RPH3A: variants seen among roughly 807,000 people sequenced by gnomAD.
RPH3A encodes rabphilin-3A.
A neutral mutation model predicts 102.2 loss-of-function variants in RPH3A; 48 were observed. The observed-to-expected ratio is 0.47, with a 90% CI of 0.37 to 0.60. RPH3A has a LOEUF of 0.60. Among genes scored for constraint, RPH3A ranks in the 20% least tolerant of loss-of-function variants. RPH3A has a pLI of 0.00. For missense variants in RPH3A, 781 were observed against 910.1 expected, an observed-to-expected ratio of 0.86 and a Z score of 1.83; for synonymous variants, 310 against 324.3, an observed-to-expected ratio of 0.96 and a Z score of 0.47.
rs772278845 is a variant in RPH3A, at chr12:112,898,658, G to A, written c.*1878G>A. The A allele has an allele frequency of 1.3e-5, 2 of 152,206 alleles. No homozygotes were observed. The highest frequency in any genetic ancestry group is 2.9e-5 in the Non-Finnish European group (2 of 68,070). The allele number at this position is 152,206 out of a possible 1,614,324, so 9.4% of individuals were successfully genotyped here. On this transcript the variant is annotated 3_prime_UTR_variant, in exon 22 of 22. Transcript: ENST00000389385. ...CTCCCTCACCACAGTTTCCCCTTAG[G>A]AGACAGCATGCTGGCTGTGTCGCCC...
At chr12:112,879,248 C>A in intron 14 of RPH3A, 50 bp downstream of exon 14, 2 of 1,491,938 alleles carry the variant, frequency 1.3e-6, no homozygotes, top group Non-Finnish European at 1.9e-6. Context: ...TCTGGCATGG[C>A]TAGGAGACTC....
chr12:112,586,033 A>G (rs2039436678), intron 1 of RPH3A, among the ~76,000 whole-genome samples: 3 of 152,076 alleles, frequency 2.0e-5, no homozygotes, highest in African/African-American at 4.8e-5. Context: ...GATCCATATG[A>G]TTACTTTTCA....
At chr12:112,836,661 C>T (rs2042056592) in intron 4 of RPH3A, among the ~76,000 whole-genome samples, 159 bp downstream of exon 4, 1 of 151,830 alleles carries the variant, frequency 6.6e-6, no homozygotes, top group Non-Finnish European at 1.5e-5. Context: ...AACACCCACA[C>T]CCATCTTAGG....
intron 5 of RPH3A, among the ~76,000 whole-genome samples, chr12:112,858,994 G>T (rs893875960): frequency 6.6e-6 from 1 of 152,176 alleles, no homozygotes; most frequent in South Asian, 2.1e-4. Flanking sequence ...AAGTTAATCA[G>T]GCATGTAAAG....
At chr12:112,757,665 T>C (rs1056198030) in intron 1 of RPH3A, among the ~76,000 whole-genome samples, 2 of 152,146 alleles carry the variant, frequency 1.3e-5, no homozygotes, top group Non-Finnish European at 2.9e-5. Context: ...CAATTAAACA[T>C]AATAAAGGCA....
intron 2 of RPH3A, among the ~76,000 whole-genome samples, chr12:112,804,363 G>C (rs73427019): frequency 0.05 from 7,631 of 152,256 alleles, 633 homozygotes; most frequent in African/African-American, 0.17. Context: ...GCACTTCCAG[G>C]TGGATGCAAG....
chr12:112,616,066 A>G (rs544812066), intron 1 of RPH3A, among the ~76,000 whole-genome samples: 2 of 152,234 alleles, frequency 1.3e-5, no homozygotes, highest in African/African-American at 4.8e-5. Flanking sequence ...TCTCCAGTCA[A>G]AACATATCTG....
At chr12:112,585,433 C>A (rs1288902715) in intron 1 of RPH3A, among the ~76,000 whole-genome samples, 2 of 152,174 alleles carry the variant, frequency 1.3e-5, no homozygotes, top group Non-Finnish European at 2.9e-5. Flanking sequence ...CACATTGAAT[C>A]CCGTTTCTTG....
intron 1 of RPH3A, among the ~76,000 whole-genome samples, chr12:112,694,605 C>G (rs1034269903): frequency 3.3e-5 from 5 of 150,532 alleles, no homozygotes; most frequent in East Asian, 2.0e-4. Flanking sequence ...GAGAGAGAGA[C>G]AGACAGAGAG....
chr12:112,708,047 T>C (rs990376987), intron 1 of RPH3A, among the ~76,000 whole-genome samples: 1 of 152,232 alleles, frequency 6.6e-6, no homozygotes, highest in Non-Finnish European at 1.5e-5. Context: ...CGCATTCTCA[T>C]GCTGACTTAG....
intron 1 of RPH3A, among the ~76,000 whole-genome samples, chr12:112,764,938 C>T (rs190606124): frequency 1.3e-5 from 2 of 152,224 alleles, no homozygotes; most frequent in Admixed American, 1.3e-4. Context: ...GTCTATTTTC[C>T]TGGTTGGTGT....
chr12:112,680,444 G>A (rs2040218573), intron 1 of RPH3A, among the ~76,000 whole-genome samples: 1 of 152,144 alleles, frequency 6.6e-6, no homozygotes, highest in Non-Finnish European at 1.5e-5. Context: ...CAACCACCCT[G>A]GGAATGAGGT....
At chr12:112,841,821 C>T (rs1243638993) in intron 4 of RPH3A, 7 of 416,474 alleles carry the variant, frequency 1.7e-5, no homozygotes, top group Non-Finnish European at 3.4e-5. Context: ...GTCCAGGTTT[C>T]TGAAAGTTCA....
intron 1 of RPH3A, among the ~76,000 whole-genome samples, chr12:112,642,275 GT>G (rs1312425155): frequency 6.6e-6 from 1 of 152,172 alleles, no homozygotes; most frequent in Non-Finnish European, 1.5e-5. Context: ...GAGGTAGGAA[GT>G]TTTATCCCCA....
At chr12:112,693,640 T>C (rs2040323793) in intron 1 of RPH3A, among the ~76,000 whole-genome samples, 1 of 152,202 alleles carries the variant, frequency 6.6e-6, no homozygotes, top group Admixed American at 6.5e-5. Context: ...CTGCTTTGAA[T>C]GCTCTCCCTC....
chr12:112,858,975 G>A (rs183692835), intron 5 of RPH3A, among the ~76,000 whole-genome samples: 29 of 152,284 alleles, frequency 1.9e-4, no homozygotes, highest in African/African-American at 6.0e-4. Flanking sequence ...GGTGTGAGTC[G>A]TCATCATAAA....
chr12:112,885,731 C>G (rs2042992542), intron 16 of RPH3A, among the ~76,000 whole-genome samples: 1 of 151,982 alleles, frequency 6.6e-6, no homozygotes, highest in Non-Finnish European at 1.5e-5. Flanking sequence ...TTTTTAATCA[C>G]CTCAAGCATT....
chr12:112,868,653 A>T, intron 8 of RPH3A, 58 bp downstream of exon 8: 1 of 1,552,932 alleles, frequency 6.4e-7, no homozygotes, highest in Non-Finnish European at 8.7e-7. Flanking sequence ...CAACTGGTCT[A>T]CCTGAGGGAT....
At chr12:112,680,006 A>T (rs1566256178) in intron 1 of RPH3A, among the ~76,000 whole-genome samples, 1 of 152,236 alleles carries the variant, frequency 6.6e-6, no homozygotes, top group Non-Finnish European at 1.5e-5. Context: ...GACAATGGGT[A>T]ACCAGGCTTG....
Sources: gnomAD v4.1 joint callset for allele counts (sites outside exome capture counted in the v4.1 genomes callset) on GRCh38, gnomAD v4.1.1 for gene constraint, MANE v1.5 for transcripts, NCBI Gene and HGNC (gene_info 2026-07-23, HGNC 2026-07-21) for gene names.